Variants in CCDC171 observed in about 807,000 individuals in gnomAD.
CCDC171 encodes the protein coiled-coil domain containing 171, also known as coiled-coil domain-containing protein 171.
Under a neutral mutation model 168.2 loss-of-function variants are expected in CCDC171, and 177 were observed. That is an observed-to-expected ratio of 1.05 (90% CI 0.93 to 1.19). The LOEUF (loss-of-function observed/expected upper bound fraction) is 1.19. Ranked by LOEUF, CCDC171 falls within the 50% of genes most tolerant of loss-of-function variation. The pLI, the probability that CCDC171 is intolerant of heterozygous loss-of-function variation, is 0.00. For missense variants in CCDC171, 1,991 were observed against 1,539.0 expected, an observed-to-expected ratio of 1.29 and a Z score of -4.91; for synonymous variants, 687 against 540.8, an observed-to-expected ratio of 1.27 and a Z score of -3.75.
chr9:16,085,327 G>T, the CCDC171 span, among the ~76,000 whole-genome samples: 2 of 152,214 alleles, frequency 1.3e-5, no homozygotes, highest in Admixed American at 1.3e-4. Flanking sequence ...CTGTTGGAAG[G>T]GCTGGGAGCT....
At chr9:15,644,066 AT>A (rs1293797807) in intron 7 of CCDC171, among the ~76,000 whole-genome samples, 1 of 152,028 alleles carries the variant, frequency 6.6e-6, no homozygotes, top group Non-Finnish European at 1.5e-5. Context: ...ATCTGTTTTC[AT>A]TTCTCTTGGG....
chr9:16,087,302 G>C, the CCDC171 span, among the ~76,000 whole-genome samples: 1 of 152,030 alleles, frequency 6.6e-6, no homozygotes, highest in African/African-American at 2.4e-5. Context: ...TTTCTGTCTC[G>C]TTGTTCTGTC....
At chr9:15,650,148 G>C (rs917861792) in intron 7 of CCDC171, among the ~76,000 whole-genome samples, 2 of 152,092 alleles carry the variant, frequency 1.3e-5, no homozygotes, top group Non-Finnish European at 2.9e-5. Context: ...CTATTGCAAG[G>C]ACAAAAAACC....
chr9:15,625,417 C>G (rs1587513742), intron 7 of CCDC171, among the ~76,000 whole-genome samples: 2 of 151,980 alleles, frequency 1.3e-5, no homozygotes, highest in East Asian at 1.9e-4. Context: ...ATGGTATTGC[C>G]TAGCTTTTCT....
intron 25 of CCDC171, among the ~76,000 whole-genome samples, chr9:15,962,815 G>A (rs1416917070): frequency 2.0e-5 from 3 of 151,244 alleles, no homozygotes; most frequent in Middle Eastern, 3.4e-3. Flanking sequence ...TTGATTTCTT[G>A]TGATTCTTTT....
intron 3 of CCDC171, among the ~76,000 whole-genome samples, chr9:15,990,018 A>G (rs1188475798): frequency 2.0e-5 from 3 of 152,224 alleles, no homozygotes; most frequent in South Asian, 2.1e-4. Flanking sequence ...GATATTATCC[A>G]GGAGAACTTC....
upstream of CCDC171, among the ~76,000 whole-genome samples, chr9:16,042,365 C>T (rs1045810219): frequency 1.3e-5 from 2 of 152,174 alleles, no homozygotes; most frequent in Admixed American, 6.5e-5. Context: ...AAGAGGGCCC[C>T]ATCAACCTAA....
At chr9:15,799,621 C>A (rs1440448129) in intron 21 of CCDC171, among the ~76,000 whole-genome samples, 1 of 152,036 alleles carries the variant, frequency 6.6e-6, no homozygotes, top group East Asian at 1.9e-4. Context: ...TGCGAACAAT[C>A]CAATTATACT....
At chr9:15,775,156 C>G (rs1421873385) in intron 18 of CCDC171, among the ~76,000 whole-genome samples, 1 of 152,104 alleles carries the variant, frequency 6.6e-6, no homozygotes, top group Non-Finnish European at 1.5e-5. Context: ...TGTAAAAACA[C>G]TTCTTATTAT....
chr9:16,005,245 A>G (rs1310974827), intron 3 of CCDC171, among the ~76,000 whole-genome samples: 2 of 152,254 alleles, frequency 1.3e-5, no homozygotes, highest in Admixed American at 6.5e-5. Flanking sequence ...ATATAATCAC[A>G]TAATATGTGG....
intron 21 of CCDC171, among the ~76,000 whole-genome samples, chr9:15,792,460 G>A (rs1028965181): frequency 3.3e-5 from 5 of 152,018 alleles, no homozygotes; most frequent in East Asian, 1.9e-4. Context: ...TCAAATTCAG[G>A]AAATACAGAG....
At chr9:15,691,348 C>T (rs2050760445) in intron 10 of CCDC171, among the ~76,000 whole-genome samples, 1 of 150,928 alleles carries the variant, frequency 6.6e-6, no homozygotes, top group African/African-American at 2.4e-5. Flanking sequence ...ATTTTATGAT[C>T]CTATTTGAAT....
chr9:15,861,295 C>T (rs1265968436), intron 23 of CCDC171, among the ~76,000 whole-genome samples: 2 of 150,926 alleles, frequency 1.3e-5, no homozygotes, highest in Non-Finnish European at 3.0e-5. Context: ...AGAAGTTAAA[C>T]CTATTTACGT....
intron 24 of CCDC171, among the ~76,000 whole-genome samples, chr9:15,919,248 G>A (rs937756375): frequency 1.3e-5 from 2 of 151,532 alleles, no homozygotes; most frequent in African/African-American, 4.8e-5. Flanking sequence ...TTACCTGCAA[G>A]TAACTAACTT....
At chr9:15,579,193 T>C (rs2040921952) in intron 4 of CCDC171, among the ~76,000 whole-genome samples, 170 bp downstream of exon 4, 1 of 152,238 alleles carries the variant, frequency 6.6e-6, no homozygotes, top group Non-Finnish European at 1.5e-5. Context: ...TCTGGCAATT[T>C]TGTGAACATT....
chr9:16,028,989 C>G (rs1833322885), intron 6 of CCDC171, among the ~76,000 whole-genome samples: 1 of 152,102 alleles, frequency 6.6e-6, no homozygotes, highest in African/African-American at 2.4e-5. Flanking sequence ...GGGGCTTGCC[C>G]TGGTAAAAAG....
chr9:15,648,174 A>G (rs1413107892), intron 7 of CCDC171, among the ~76,000 whole-genome samples: 1 of 152,228 alleles, frequency 6.6e-6, no homozygotes, highest in Admixed American at 6.5e-5. Context: ...AGATGCAGAA[A>G]AGGCCTTTGG....
chr9:16,026,406 A>G (rs574898021), intron 6 of CCDC171, among the ~76,000 whole-genome samples: 1 of 152,248 alleles, frequency 6.6e-6, no homozygotes, highest in East Asian at 1.9e-4. Context: ...GGAGATTCAC[A>G]AGAAGTTGCT....
chr9:16,063,552 C>G (rs1272315659), downstream of CCDC171, among the ~76,000 whole-genome samples: 1 of 152,220 alleles, frequency 6.6e-6, no homozygotes, highest in Non-Finnish European at 1.5e-5. Context: ...TTGGTTTACT[C>G]TTCTCGTTCC....
Sources: gnomAD v4.1 joint callset for allele counts (sites outside exome capture counted in the v4.1 genomes callset) on GRCh38, gnomAD v4.1.1 for gene constraint, MANE v1.5 for transcripts, NCBI Gene and HGNC (gene_info 2026-07-23, HGNC 2026-07-21) for gene names.